Variants in ATP12A observed in about 807,000 individuals in gnomAD.
ATP12A encodes the protein ATPase H+/K+ transporting non-gastric alpha2 subunit.
In ATP12A, 81 loss-of-function variants were observed where a neutral mutation model predicts 111.2. The observed-to-expected ratio is 0.73, with a 90% CI of 0.61 to 0.88. The LOEUF is 0.88. ATP12A is among the 40% of genes least tolerant of loss of function. The pLI is 0.00. For synonymous variants in ATP12A, 498 were observed against 499.8 expected, an observed-to-expected ratio of 1.00 and a Z score of 0.05; for missense variants, 1,196 against 1,313.1, an observed-to-expected ratio of 0.91 and a Z score of 1.38.
At chr13:24,708,769 G>A (rs1386425296) in intron 17 of ATP12A, among the ~76,000 whole-genome samples, 1 of 151,230 alleles carries the variant, frequency 6.6e-6, no homozygotes, top group Middle Eastern at 3.4e-3. Flanking sequence ...ACTGGGCTAG[G>A]AATGGAAATA....
In ATP12A at chr13:24,711,638, G is replaced by A; in HGVS notation, c.*116G>A. 2.1e-6 allele frequency: 3 copies of A among 1,439,880 alleles called. No individual in the cohort carries two copies. The highest frequency in any genetic ancestry group is 2.9e-6 in the Non-Finnish European group (3 of 1,041,542). The allele number at this position is 1,439,880 out of a possible 1,614,324, so 89.2% of individuals were successfully genotyped here. A position where few individuals can be genotyped will look rare whatever the true frequency, so the allele number is the denominator to read the frequency against. On this transcript the variant is annotated 3_prime_UTR_variant, in exon 23 of 23. Transcript: ENST00000381946. Reference sequence around the variant, plus strand: ...GACATCGTCAAAATTCAGACAAGAGGAAATTTTCATGCAGAAAGCTGTATG... The same window carrying A: ...GACATCGTCAAAATTCAGACAAGAGAAAATTTTCATGCAGAAAGCTGTATG...
In ATP12A at chr13:24,697,562, C is replaced by A. The variant is rs563399790; in HGVS notation, c.1513-1096C>A. The stretch of plus-strand genomic sequence containing the variant: ...GGCTGAGGTGGGAGGATTGCTTGAG[C>A]CTGGGAGGTCGAGGCTGCAGTGAGC... On this transcript the variant is annotated intron_variant, in intron 11 of 22. Coordinates refer to ENST00000381946, the MANE Select transcript of ATP12A (RefSeq NM_001676.7). Among the ~76,000 whole-genome samples, 3 of 150,994 alleles carry A rather than the reference C, an allele frequency of 2.0e-5. No individual in the cohort carries two copies. In the East Asian group the frequency reaches 5.9e-4, roughly 30 times the overall value.
Position 24,680,542 on chromosome 13 carries a change from G to A in ATP12A, c.-202G>A, listed in dbSNP as rs1874389038. The stretch of plus-strand genomic sequence containing the variant: ...GTGGGCGGGGCGGGCGGCATTTAAG[G>A]CTGGTGCCACCTCCCCGGTGCAGCG... On this transcript the variant is annotated 5_prime_UTR_variant, in exon 1 of 23. Transcript: ENST00000381946. The A allele has an allele frequency of 1.9e-5, 10 of 535,202 alleles. No homozygotes were observed. In the South Asian group the frequency reaches 3.0e-4, roughly 16 times the overall value. The allele number at this position is 535,202 out of a possible 1,614,324, so 33.2% of individuals were successfully genotyped here. A position where few individuals can be genotyped will look rare whatever the true frequency, so the allele number is the denominator to read the frequency against.
At chr13:24,701,501 CAAAAAAA>C (rs10586421) in intron 13 of ATP12A, among the ~76,000 whole-genome samples, 1 of 101,398 alleles carries the variant, frequency 9.9e-6, no homozygotes, top group Non-Finnish European at 2.0e-5. Context: ...AACTCTGTCT[CAAAAAAA>C]AAAAAAAAAA....
intron 12 of ATP12A, among the ~76,000 whole-genome samples, chr13:24,699,991 G>A (rs977641894): frequency 4.6e-5 from 7 of 152,152 alleles, no homozygotes; most frequent in Admixed American, 3.9e-4. Flanking sequence ...TATTCTACAC[G>A]GGATCGATGC....
chr13:24,682,022 AGT>A (rs1874466814), intron 2 of ATP12A, among the ~76,000 whole-genome samples: 1 of 36,996 alleles, frequency 2.7e-5, no homozygotes, highest in African/African-American at 1.1e-4. Context: ...TGGTGTGTGT[AGT>A]GTGTGGTGTG....
intron 10 of ATP12A, among the ~76,000 whole-genome samples, chr13:24,693,113 C>T (rs981893064): frequency 6.6e-6 from 1 of 152,198 alleles, no homozygotes; most frequent in East Asian, 1.9e-4. Context: ...ATTGCTTTAG[C>T]GTCTTCAGAA....
At chr13:24,697,814 C>G (rs921683315) in intron 11 of ATP12A, among the ~76,000 whole-genome samples, 3 of 151,094 alleles carry the variant, frequency 2.0e-5, no homozygotes, top group African/African-American at 7.3e-5. Context: ...CAGCTGGTAA[C>G]CCTATTTGCC....
At chr13:24,702,469 C>T (rs1177629608) in intron 14 of ATP12A, among the ~76,000 whole-genome samples, 3 of 152,240 alleles carry the variant, frequency 2.0e-5, no homozygotes, top group Non-Finnish European at 4.4e-5. Flanking sequence ...CCTTGGTAAG[C>T]ATCTTGGGTA....
intron 15 of ATP12A, among the ~76,000 whole-genome samples, chr13:24,706,793 T>C (rs1052175565): frequency 1.8e-4 from 28 of 152,252 alleles, no homozygotes; most frequent in Admixed American, 6.5e-5. Context: ...AGACATAAGA[T>C]ACAAGACACC....
rs1261875411 is a variant in ATP12A, at chr13:24,710,583, G to A, written c.2887G>A (p.Gly963Ser). The A allele has an allele frequency of 1.9e-6, 3 of 1,614,028 alleles. No individual in the cohort carries two copies. Among genetic ancestry groups the A allele is most frequent in the Non-Finnish European group, 2.5e-6 (3 of 1,180,042 alleles). Residue 963 changes from glycine (G) to serine (S), a missense_variant, in exon 20 of 23, where the codon GGT becomes AGT. Around this residue, in one of 3 missense-constraint regions of ATP12A, gnomAD observed 1,126 missense variants for 1,228.5 expected, o/e 0.92. Coordinates refer to ENST00000381946, the MANE Select transcript of ATP12A (RefSeq NM_001676.7). ...CCGGAGGAATTCCATCTTCCAGCAG[G>A]GTCTCTTCAGGTACTGCCTGTGCCC... is the stretch of plus-strand genomic sequence containing the variant. ...KTRRNSIFQQ[G>S]LFRNKVIWVG...
chr13:24,681,797 TACC>T, intron 2 of ATP12A, 77 bp downstream of exon 2: 1 of 1,545,008 alleles, frequency 6.5e-7, no homozygotes, highest in Non-Finnish European at 8.8e-7. Flanking sequence ...ACCCACCTCT[TACC>T]ACAGACATTC....
At chr13:24,692,755 ACAG>A in intron 9 of ATP12A, 29 bp from the exon 10 acceptor site, 1 of 1,610,024 alleles carries the variant, frequency 6.2e-7, no homozygotes, top group Non-Finnish European at 8.5e-7. Flanking sequence ...AGCCCAACCC[ACAG>A]CAGCCACTGT....
At chr13:24,711,456 A>T in intron 22 of ATP12A, 38 bp from the exon 23 acceptor site, 1 of 1,613,764 alleles carries the variant, frequency 6.2e-7, no homozygotes, top group Non-Finnish European at 8.5e-7. Context: ...ACTTCAACAG[A>T]CTCTCCATTT....
In ATP12A at chr13:24,710,882, C is replaced by G. The variant is rs1875937079; in HGVS notation, c.2988C>G (p.Phe996Leu). Residue 996 changes from phenylalanine to leucine, a missense_variant, in exon 21 of 23, where the codon TTC becomes TTG. By Grantham distance (22) the Phe-to-Leu change is conservative. This residue lies in a region of ATP12A where 1,126 missense variants were observed against 1,228.5 expected (regional missense o/e 0.92). Transcript: ENST00000381946. ...TCGGAAGTGTCACAGCCTTGAGTTT[C>G]ACCATGCTTAGGTGAGTTCACCCTC... ...YGLGSVTALSFTMLRAQYWFV... is the reference protein window; with the variant it reads ...YGLGSVTALSLTMLRAQYWFV... 2.5e-6 allele frequency: 4 copies of G among 1,614,146 alleles called. No individual in the cohort carries two copies. Among genetic ancestry groups the G allele is most frequent in the Non-Finnish European group, 3.4e-6 (4 of 1,179,986 alleles).
intron 2 of ATP12A, among the ~76,000 whole-genome samples, chr13:24,683,711 T>C (rs1383333399): frequency 1.3e-5 from 2 of 152,078 alleles, no homozygotes; most frequent in Non-Finnish European, 2.9e-5. Flanking sequence ...AACATAAGAT[T>C]TTTTTTTCTA....
At chr13:24,684,683 G>C (rs753153304) in intron 2 of ATP12A, among the ~76,000 whole-genome samples, 1 of 152,260 alleles carries the variant, frequency 6.6e-6, no homozygotes, top group Non-Finnish European at 1.5e-5. Flanking sequence ...TCCCAGAATG[G>C]CAGCAGGGCC....
At chr13:24,711,210 C>A (rs895184031) in intron 21 of ATP12A, 108 bp from the exon 22 acceptor site, 1 of 1,083,690 alleles carries the variant, frequency 9.2e-7, no homozygotes, top group Non-Finnish European at 1.3e-6. Flanking sequence ...ATTTGTCGTT[C>A]TTTGCAGTAA....
At chr13:24,696,718 CAAAAAAAAAAAAA>C (rs1199522203) in intron 11 of ATP12A, among the ~76,000 whole-genome samples, 3,721 of 33,040 alleles carry the variant, frequency 0.11, 742 homozygotes, top group African/African-American at 0.32. Context: ...GACTCCGTCT[CAAAAAAAAAAAAA>C]AAAAAAAAAA....
Sources: allele counts gnomAD v4.1 joint callset (sites outside exome capture counted in the v4.1 genomes callset), GRCh38; gene constraint gnomAD v4.1.1; regional missense constraint gnomAD v4.1.1; transcripts MANE v1.5; gene names NCBI Gene and HGNC (gene_info 2026-07-23, HGNC 2026-07-21).